Variants in ANKRD30BL observed in about 807,000 individuals in gnomAD.
ANKRD30BL encodes the protein putative ankyrin repeat domain-containing protein 30B-like.
A neutral mutation model predicts 18.4 loss-of-function variants in ANKRD30BL; 20 were observed. The ratio of observed to expected loss-of-function variants is 1.09; its 90% CI spans 0.77 to 1.58. The LOEUF (loss-of-function observed/expected upper bound fraction) is 1.58. Among genes scored for constraint, ANKRD30BL ranks in the 40% most tolerant of loss-of-function variants. ANKRD30BL has a pLI of 0.00. For synonymous variants in ANKRD30BL, 72 were observed against 100.9 expected (o/e 0.71, Z 1.72); for missense variants, 224 against 268.6 (o/e 0.83, Z 1.16).
At chr2:132,184,763 C>G (rs1453482863) in intron 1 of ANKRD30BL, among the ~76,000 whole-genome samples, 7 of 151,770 alleles carry the variant, frequency 4.6e-5, no homozygotes, top group African/African-American at 1.7e-4. Flanking sequence ...GGATTCCCCC[C>G]TAATCCCAGT....
At chr2:132,216,234 T>G (rs1679494688) in intron 1 of ANKRD30BL, among the ~76,000 whole-genome samples, 1 of 152,068 alleles carries the variant, frequency 6.6e-6, no homozygotes, top group Non-Finnish European at 1.5e-5. Context: ...TTGTGATGTG[T>G]GCATTCATCT....
intron 1 of ANKRD30BL, among the ~76,000 whole-genome samples, chr2:132,240,596 T>C (rs1680289420): frequency 6.6e-6 from 1 of 151,800 alleles, no homozygotes; most frequent in South Asian, 2.1e-4. Context: ...TGAAACATTC[T>C]TTTTGTCAAA....
chr2:132,203,291 G>T (rs1300551160), intron 1 of ANKRD30BL, among the ~76,000 whole-genome samples: 2 of 152,230 alleles, frequency 1.3e-5, no homozygotes, highest in African/African-American at 4.8e-5. Flanking sequence ...CTTTATAAAA[G>T]ATATAGCAAA....
chr2:132,221,500 G>A (rs1168274787), intron 1 of ANKRD30BL, among the ~76,000 whole-genome samples: 1 of 129,890 alleles, frequency 7.7e-6, no homozygotes. Flanking sequence ...ACTGGGAAGT[G>A]AGGAGCCCCT....
chr2:132,168,175 A>G (rs1164950417), intron 1 of ANKRD30BL, among the ~76,000 whole-genome samples: 2 of 152,208 alleles, frequency 1.3e-5, no homozygotes, highest in Non-Finnish European at 1.5e-5. Context: ...AGGAAATTTC[A>G]ATATATAGAA....
At chr2:132,168,305 G>C (rs934578232) in intron 1 of ANKRD30BL, among the ~76,000 whole-genome samples, 1 of 152,020 alleles carries the variant, frequency 6.6e-6, no homozygotes, top group Non-Finnish European at 1.5e-5. Context: ...TAACTGAATT[G>C]TTTGCTTTCT....
At position 132,188,256 on chromosome 2, in the gene ANKRD30BL, G is replaced by C. The variant is rs1180389320; in HGVS notation, n.442-31110C>G. On this transcript the variant is annotated intron_variant and non_coding_transcript_variant, in intron 1 of 4. Transcript: ENST00000470729. ...CTATACCATTGCCAAAAAAAGGTTT[G>C]ATTATGCTACTAAAAATCCGACATG... Among the ~76,000 whole-genome samples the C allele has an allele frequency of 5.3e-5, 8 of 152,120 alleles. 1 individual carries two copies. Among genetic ancestry groups the C allele is most frequent in the Non-Finnish European group, 1.5e-5 (1 of 68,034 alleles).
At chr2:132,234,707 C>A (rs1264669221) in intron 1 of ANKRD30BL, among the ~76,000 whole-genome samples, 1 of 152,108 alleles carries the variant, frequency 6.6e-6, no homozygotes, top group Admixed American at 6.6e-5. Flanking sequence ...AGCTTACCAA[C>A]AAAAAGAGTC....
chr2:132,258,024 C>T (rs1680922816), upstream of ANKRD30BL: 1 of 152,786 alleles, frequency 6.5e-6, no homozygotes, highest in Admixed American at 6.5e-5. Context: ...CAGAGGGGAG[C>T]ACGGGACCTG....
intron 1 of ANKRD30BL, among the ~76,000 whole-genome samples, chr2:132,236,061 C>G (rs1186454288): frequency 6.6e-6 from 1 of 152,008 alleles, no homozygotes; most frequent in Non-Finnish European, 1.5e-5. Flanking sequence ...TGATCTTTGA[C>G]AAACCTGAGA....
chr2:132,239,554 G>C (rs1283235414), intron 1 of ANKRD30BL, among the ~76,000 whole-genome samples: 1 of 151,276 alleles, frequency 6.6e-6, no homozygotes, highest in Non-Finnish European at 1.5e-5. Context: ...TCTTTTGATA[G>C]AGCAGTTTTG....
At chr2:132,198,837 C>T (rs7559817) in intron 1 of ANKRD30BL, among the ~76,000 whole-genome samples, 3,532 of 152,088 alleles carry the variant, frequency 0.023, 125 homozygotes, top group African/African-American at 0.081. Flanking sequence ...AGGCTTGTTT[C>T]GAAATCCTGA....
At position 132,161,578 on chromosome 2, in the gene ANKRD30BL, T is replaced by C. The variant is rs1286074490; in HGVS notation, c.128A>G (p.His43Arg). The C allele has an allele frequency of 4.1e-6, 6 of 1,456,188 alleles. No homozygotes were observed. The highest frequency in any genetic ancestry group is 1.4e-5 in the African/African-American group (1 of 70,796). The allele number at this position is 1,456,188 out of a possible 1,614,324, so 90.2% of individuals were successfully genotyped here. ...GGCTTGGCCCCGGGAGGCAGCTTTG[T>C]GGATCTTCCTGAGATCCCCATGGTG... is the stretch of plus-strand genomic sequence containing the variant. ...VIHHGDLRKIHKAASRGQAWK... is the reference protein window; with the variant it reads ...VIHHGDLRKIRKAASRGQAWK... Residue 43 changes from histidine to arginine, a missense_variant, in exon 1 of 6, where the codon CAC (histidine) becomes CGC (arginine). Coordinates refer to ENST00000409867, the MANE Select transcript of ANKRD30BL (RefSeq NM_001358416.1).
chr2:132,200,030 T>C (rs1321202075), intron 1 of ANKRD30BL, among the ~76,000 whole-genome samples: 4 of 152,302 alleles, frequency 2.6e-5, no homozygotes, highest in Admixed American at 6.5e-5. Context: ...ATAACTGTAA[T>C]CTAGCATATA....
At chr2:132,182,046 G>C (rs1025916393) in intron 1 of ANKRD30BL, among the ~76,000 whole-genome samples, 4 of 151,908 alleles carry the variant, frequency 2.6e-5, no homozygotes, top group African/African-American at 9.7e-5. Context: ...GGGAGGTGGA[G>C]GAGGTTGCTG....
intron 1 of ANKRD30BL, among the ~76,000 whole-genome samples, chr2:132,211,316 G>A (rs1258881002): frequency 1.3e-5 from 2 of 152,022 alleles, no homozygotes; most frequent in East Asian, 3.9e-4. Context: ...TGATTGAGCA[G>A]TTTTGAAACA....
chr2:132,162,900 G>A (rs62161669), upstream of ANKRD30BL, among the ~76,000 whole-genome samples: 23,302 of 152,262 alleles, frequency 0.15, 1,979 homozygotes, highest in Admixed American at 0.24. Context: ...TTGCCTGTGC[G>A]CCAAGTGCAG....
chr2:132,253,216 TG>T, intron 1 of ANKRD30BL: 1 of 193,286 alleles, frequency 5.2e-6, no homozygotes, highest in Non-Finnish European at 1.1e-5. Flanking sequence ...GAAGAGTCGA[TG>T]ATCAACGTGT....
At chr2:132,154,146 C>A (rs1334316278) in intron 4 of ANKRD30BL, among the ~76,000 whole-genome samples, 1 of 152,012 alleles carries the variant, frequency 6.6e-6, no homozygotes, top group Admixed American at 6.6e-5. Flanking sequence ...TTATATTTTT[C>A]ATTGAGATGG....
Sources: allele counts gnomAD v4.1 joint callset (sites outside exome capture counted in the v4.1 genomes callset), GRCh38; gene constraint gnomAD v4.1.1; transcripts MANE v1.5; gene names NCBI Gene and HGNC (gene_info 2026-07-23, HGNC 2026-07-21).